PLAG1: variants seen among roughly 807,000 people sequenced by gnomAD.
The protein encoded by PLAG1 is PLAG1 zinc finger.
In PLAG1, 7 loss-of-function variants were observed where a neutral mutation model predicts 35.5. The ratio of observed to expected loss-of-function variants is 0.20; its 90% CI spans 0.11 to 0.37. PLAG1 has a LOEUF of 0.37. Among genes scored for constraint, PLAG1 ranks in the 10% least tolerant of loss-of-function variants. The pLI is 1.00. For missense variants in PLAG1, 454 were observed against 602.8 expected, an observed-to-expected ratio of 0.75 and a Z score of 2.58; for synonymous variants, 229 against 225.4, an observed-to-expected ratio of 1.02 and a Z score of -0.14.
intron 2 of PLAG1, among the ~76,000 whole-genome samples, chr8:56,172,034 T>C (rs775244135): frequency 2.6e-5 from 4 of 152,130 alleles, no homozygotes; most frequent in Non-Finnish European, 5.9e-5. Flanking sequence ...GCATGAGAGA[T>C]CAGTAAACTC....
intron 1 of PLAG1, among the ~76,000 whole-genome samples, chr8:56,190,524 G>C (rs1453075087): frequency 2.0e-5 from 3 of 152,186 alleles, no homozygotes; most frequent in South Asian, 2.1e-4. Flanking sequence ...AACCAGAATG[G>C]AGGCCTGGGG....
chr8:56,183,595 T>C (rs1250386635), intron 1 of PLAG1, among the ~76,000 whole-genome samples: 1 of 152,200 alleles, frequency 6.6e-6, no homozygotes, highest in Non-Finnish European at 1.5e-5. Flanking sequence ...TAAATGTACC[T>C]AGGTAAATTA....
chr8:56,179,736 T>C (rs1811809751), intron 1 of PLAG1, among the ~76,000 whole-genome samples: 1 of 151,146 alleles, frequency 6.6e-6, no homozygotes, highest in African/African-American at 2.4e-5. Flanking sequence ...GAATCACAGT[T>C]ATCTAGATTA....
At chr8:56,175,439 T>C (rs1811656030) in intron 2 of PLAG1, among the ~76,000 whole-genome samples, 1 of 152,178 alleles carries the variant, frequency 6.6e-6, no homozygotes, top group Non-Finnish European at 1.5e-5. Flanking sequence ...AGCCAAGACA[T>C]GCACCTAACT....
At chr8:56,203,407 C>T (rs1307854003) in intron 1 of PLAG1, among the ~76,000 whole-genome samples, 1 of 152,076 alleles carries the variant, frequency 6.6e-6, no homozygotes, top group East Asian at 1.9e-4. Context: ...TTTAATACAG[C>T]ATCTTTCAAA....
At position 56,164,284 on chromosome 8, in the gene PLAG1, G is replaced by C. The variant is rs1311214886; in HGVS notation, c.*1959C>G. The stretch of plus-strand genomic sequence containing the variant: ...TATCAGGAGCCAAAGCTCCTTCAGA[G>C]AGCAACTTTGATTCTATGAAGTGCG... On this transcript the variant is annotated 3_prime_UTR_variant, in exon 5 of 5. Transcript: ENST00000316981. 2 of 216,292 alleles carry C rather than the reference G, an allele frequency of 9.2e-6. No homozygotes were observed. Among genetic ancestry groups the C allele is most frequent in the Non-Finnish European group, 1.9e-5 (2 of 107,312 alleles). The allele number at this position is 216,292 out of a possible 1,614,324, so 13.4% of individuals were successfully genotyped here. A position where few individuals can be genotyped will look rare whatever the true frequency, so the allele number is the denominator to read the frequency against.
At chr8:56,168,931 T>A (rs1317481451) in intron 3 of PLAG1, among the ~76,000 whole-genome samples, 2 of 152,086 alleles carry the variant, frequency 1.3e-5, no homozygotes, top group Non-Finnish European at 2.9e-5. Flanking sequence ...CCTGAAAGAG[T>A]TGAATGCACC....
intron 1 of PLAG1, among the ~76,000 whole-genome samples, chr8:56,209,772 T>A (rs375221178): frequency 2.0e-5 from 3 of 152,122 alleles, no homozygotes; most frequent in East Asian, 3.9e-4. Context: ...CTGAGCACCA[T>A]CACCTCTCTA....
intron 1 of PLAG1, among the ~76,000 whole-genome samples, chr8:56,188,462 G>A (rs947041418): frequency 6.6e-6 from 1 of 152,174 alleles, no homozygotes; most frequent in African/African-American, 2.4e-5. Context: ...ACCCCTTGAA[G>A]AAATGTTTCT....
Position 56,166,213 on chromosome 8 carries a change from A to C in PLAG1, c.*30T>G. ...TCATCTAGGGCACAGCTACACATACATTTCTGTAATGAATCCATGTCCCAG... is the reference window on the plus strand; with the variant it reads ...TCATCTAGGGCACAGCTACACATACCTTTCTGTAATGAATCCATGTCCCAG... On this transcript the variant is annotated 3_prime_UTR_variant, in exon 5 of 5. Coordinates refer to ENST00000316981, the MANE Select transcript of PLAG1 (RefSeq NM_002655.3). 6.7e-7 allele frequency: 1 copy of C among 1,492,704 alleles called. No homozygotes were observed. Among genetic ancestry groups the C allele is most frequent in the Non-Finnish European group, 9.0e-7 (1 of 1,106,564 alleles). The allele number at this position is 1,492,704 out of a possible 1,614,324, so 92.5% of individuals were successfully genotyped here.
At position 56,164,226 on chromosome 8, in the gene PLAG1, C is replaced by T. The variant is rs932407669; in HGVS notation, c.*2017G>A. 1 of 200,736 alleles carries T rather than the reference C, an allele frequency of 5.0e-6. No individual in the cohort carries two copies. Among genetic ancestry groups the T allele is most frequent in the Non-Finnish European group, 1.0e-5 (1 of 97,678 alleles). 12.4% of individuals were successfully genotyped at this position (200,736 alleles called of 1,614,324 possible). ...TACATAAGTATAAAAACTACTGCTC[C>T]AAGGATTAAAAAAATATAGGAGCAT... On this transcript the variant is annotated 3_prime_UTR_variant, in exon 5 of 5. Transcript: ENST00000316981.
chr8:56,171,919 G>A (rs1811536913), intron 2 of PLAG1, among the ~76,000 whole-genome samples: 1 of 152,170 alleles, frequency 6.6e-6, no homozygotes, highest in Non-Finnish European at 1.5e-5. Flanking sequence ...AGTAGACTGA[G>A]ATCACACACA....
Position 56,167,949 on chromosome 8 carries a change from C to T in PLAG1, c.242+79G>A, listed in dbSNP as rs1489247454. 1.3e-6 allele frequency: 1 copy of T among 784,388 alleles called. No homozygotes were observed. The highest frequency in any genetic ancestry group is 1.7e-5 in the African/African-American group (1 of 57,674). 48.6% of individuals were successfully genotyped at this position (784,388 alleles called of 1,614,324 possible). A position where few individuals can be genotyped will look rare whatever the true frequency, so the allele number is the denominator to read the frequency against. On this transcript the variant is annotated intron_variant, in intron 4 of 4. Transcript: ENST00000316981. The surrounding 1 kb of genome is among the most constrained non-coding windows in gnomAD (Gnocchi z 5.9). ...GCAAATTAGCTGAAAAATGTGTATA[C>T]AAATACATACGTTTACAATGGCTTC...
chr8:56,202,177 T>C (rs1249279794), intron 1 of PLAG1, among the ~76,000 whole-genome samples: 1 of 152,244 alleles, frequency 6.6e-6, no homozygotes, highest in Non-Finnish European at 1.5e-5. Context: ...CTGAATTTTA[T>C]ACTTAGCAGT....
intron 1 of PLAG1, among the ~76,000 whole-genome samples, chr8:56,194,497 T>G (rs1585813731): frequency 6.6e-6 from 1 of 152,032 alleles, no homozygotes; most frequent in Admixed American, 6.6e-5. Context: ...ATGCAGTGGG[T>G]GCACTACAGT....
At chr8:56,195,536 G>A (rs553138909) in intron 1 of PLAG1, among the ~76,000 whole-genome samples, 35 of 152,214 alleles carry the variant, frequency 2.3e-4, no homozygotes, top group Non-Finnish European at 3.2e-4. Context: ...AACATGCAGA[G>A]GGCAGGTGCC....
intron 1 of PLAG1, among the ~76,000 whole-genome samples, chr8:56,203,696 A>G (rs972896402): frequency 6.6e-6 from 1 of 152,098 alleles, no homozygotes; most frequent in Non-Finnish European, 1.5e-5. Context: ...CCAAATAACT[A>G]GTAGGGCTGC....
intron 1 of PLAG1, among the ~76,000 whole-genome samples, chr8:56,190,723 G>A (rs1281953894): frequency 6.6e-6 from 1 of 152,082 alleles, no homozygotes; most frequent in Non-Finnish European, 1.5e-5. Flanking sequence ...GGGAAAGGGA[G>A]AGAAAGGATA....
At position 56,167,947 on chromosome 8, in the gene PLAG1, T is replaced by C; in HGVS notation, c.242+81A>G. 2.6e-6 allele frequency: 2 copies of C among 769,562 alleles called. No homozygotes were observed. The highest frequency in any genetic ancestry group is 5.0e-5 in the East Asian group (2 of 40,004). The allele number at this position is 769,562 out of a possible 1,614,324, so 47.7% of individuals were successfully genotyped here. Reference sequence around the variant, plus strand: ...TTGCAAATTAGCTGAAAAATGTGTATACAAATACATACGTTTACAATGGCT... The same window carrying C: ...TTGCAAATTAGCTGAAAAATGTGTACACAAATACATACGTTTACAATGGCT... On this transcript the variant is annotated intron_variant, in intron 4 of 4. Coordinates refer to ENST00000316981, the MANE Select transcript of PLAG1 (RefSeq NM_002655.3). The surrounding 1 kb of genome is among the most constrained non-coding windows in gnomAD (Gnocchi z 5.9).
Sources: allele counts gnomAD v4.1 joint callset (sites outside exome capture counted in the v4.1 genomes callset), GRCh38; gene constraint gnomAD v4.1.1; non-coding constraint Gnocchi (gnomAD v3.1); transcripts MANE v1.5; gene names NCBI Gene and HGNC (gene_info 2026-07-23, HGNC 2026-07-21).